The following ZFR variants were observed in gnomAD, a reference collection of about 807,000 sequenced individuals.
The protein encoded by ZFR is zinc finger RNA binding protein.
Under a neutral mutation model 130.7 loss-of-function variants are expected in ZFR, and 19 were observed. The observed-to-expected ratio is 0.15, with a 90% CI of 0.10 to 0.21. The LOEUF is 0.21. Among genes scored for constraint, ZFR ranks in the 10% least tolerant of loss-of-function variants. The pLI is 1.00. For synonymous variants in ZFR, 466 were observed against 456.9 expected (o/e 1.02, Z -0.25); for missense variants, 872 against 1,321.5 (o/e 0.66, Z 5.27).
At chr5:32,428,000 A>G (rs1754114529) in intron 2 of ZFR, among the ~76,000 whole-genome samples, 1 of 152,252 alleles carries the variant, frequency 6.6e-6, no homozygotes, top group South Asian at 2.1e-4. Context: ...AACAGCTAAA[A>G]CTATACAACT....
Position 32,403,954 on chromosome 5 carries a change from T to C in ZFR, c.1176A>G (p.Thr392=), listed in dbSNP as rs551383686. 2 of 1,608,750 alleles carry C rather than the reference T, an allele frequency of 1.2e-6. No homozygotes were observed. Among genetic ancestry groups the C allele is most frequent in the Admixed American group, 1.7e-5 (1 of 59,150 alleles). The stretch of plus-strand genomic sequence containing the variant: ...TGTGGGCAGCATACGCATCTGCTCC[T>C]GTACAAGACACATCGCAGAGCTCAC... The part of the protein sequence containing the change: ...LRCELCDVSC[T]GADAYAAHIR... Residue 392 remains threonine, a synonymous_variant, in exon 7 of 20, where the codon ACA becomes ACG. Transcript: ENST00000265069.
chr5:32,368,610 A>G (rs769053523), intron 17 of ZFR, among the ~76,000 whole-genome samples: 8 of 152,216 alleles, frequency 5.3e-5, no homozygotes, highest in African/African-American at 1.4e-4. Flanking sequence ...CTATTACTAC[A>G]TAAGAAAAGC....
intron 5 of ZFR, among the ~76,000 whole-genome samples, chr5:32,410,304 A>C (rs1432244825): frequency 9.5e-6 from 1 of 105,776 alleles, no homozygotes; most frequent in Non-Finnish European, 2.0e-5. Context: ...AAAAAAAAAA[A>C]AAAAATGTAC....
intron 17 of ZFR, among the ~76,000 whole-genome samples, chr5:32,377,205 T>C (rs1752839708): frequency 7.1e-6 from 1 of 141,054 alleles, no homozygotes; most frequent in Non-Finnish European, 1.6e-5. Context: ...TCTCTTTCTT[T>C]ATTTCTCTTT....
rs1753790069 is a variant in ZFR at position 32,415,138 on chromosome 5, C to T, written c.615G>A (p.Gln205=). The change falls in exon 5 of 20, where the codon CAG becomes CAA. Residue 205 remains glutamine (Q), a synonymous_variant. Transcript: ENST00000265069. ...SQGATQYTQA[Q]QTRQVTAIKP... The stretch of plus-strand genomic sequence containing the variant: ...TTATGGCTGTCACTTGTCGAGTTTG[C>T]TGGGCTTGAGTATACTGAGTTGCAC... 1.2e-6 allele frequency: 2 copies of T among 1,613,856 alleles called. No individual in the cohort carries two copies. Among genetic ancestry groups the T allele is most frequent in the African/African-American group, 1.3e-5 (1 of 74,880 alleles).
intron 5 of ZFR, among the ~76,000 whole-genome samples, chr5:32,409,777 T>C (rs1020468062): frequency 6.6e-6 from 1 of 152,168 alleles, no homozygotes; most frequent in African/African-American, 2.4e-5. Flanking sequence ...GTGACTATAT[T>C]ATAATCTGTT....
intron 5 of ZFR, among the ~76,000 whole-genome samples, chr5:32,411,840 G>A (rs1321215992): frequency 3.9e-5 from 6 of 151,972 alleles, no homozygotes; most frequent in African/African-American, 9.7e-5. Context: ...GAGGATGTAC[G>A]TAGGTTAAAG....
At chr5:32,435,495 A>G (rs919874919) in intron 2 of ZFR, among the ~76,000 whole-genome samples, 13 of 152,334 alleles carry the variant, frequency 8.5e-5, no homozygotes, top group Admixed American at 5.2e-4. Context: ...TTATGATTAA[A>G]TTTACATTTC....
intron 19 of ZFR, among the ~76,000 whole-genome samples, chr5:32,361,427 G>T (rs1412489498): frequency 6.6e-6 from 1 of 152,066 alleles, no homozygotes; most frequent in Non-Finnish European, 1.5e-5. Context: ...TCCCAGGTGA[G>T]AACTAGGAAG....
At chr5:32,356,491 C>A (rs188363600) in intron 19 of ZFR, among the ~76,000 whole-genome samples, 26 of 152,250 alleles carry the variant, frequency 1.7e-4, no homozygotes, top group African/African-American at 6.3e-4. Context: ...TGGCTCACTG[C>A]AAGCTCCGCC....
In ZFR at chr5:32,403,898, A is replaced by C; in HGVS notation, c.1224+8T>G. 6.4e-7 allele frequency: 1 copy of C among 1,560,198 alleles called. No individual in the cohort carries two copies. Among genetic ancestry groups the C allele is most frequent in the South Asian group, 1.2e-5 (1 of 82,588 alleles). On this transcript the variant is annotated splice_region_variant and intron_variant, in intron 7 of 19. Coordinates refer to ENST00000265069, the MANE Select transcript of ZFR (RefSeq NM_016107.5). ...AGGCATAAGGGTGTGTGGGAAAAAA[A>C]CACCTACTTTCTGATGCTTAGCACC... is the stretch of plus-strand genomic sequence containing the variant.
At chr5:32,443,213 G>A (rs560412393) in intron 2 of ZFR, among the ~76,000 whole-genome samples, 2 of 152,308 alleles carry the variant, frequency 1.3e-5, no homozygotes, top group South Asian at 2.1e-4. Flanking sequence ...CGCAGGAGCC[G>A]TGTGCGCTTA....
At chr5:32,411,709 A>AAGGGGGGGG (rs1561903945) in intron 5 of ZFR, among the ~76,000 whole-genome samples, 1 of 73,116 alleles carries the variant, frequency 1.4e-5, no homozygotes, top group Non-Finnish European at 2.3e-5. Flanking sequence ...AAAAAAATTG[A>AAGGGGGGGG]GGGGGGGCGG....
intron 17 of ZFR, among the ~76,000 whole-genome samples, chr5:32,370,515 G>A (rs1752647894): frequency 6.6e-6 from 1 of 151,896 alleles, no homozygotes; most frequent in African/African-American, 2.4e-5. Flanking sequence ...TGGGACTACA[G>A]GTGTGCGCCA....
At chr5:32,405,299 G>A (rs1163327699) in intron 6 of ZFR, among the ~76,000 whole-genome samples, 4 of 152,176 alleles carry the variant, frequency 2.6e-5, no homozygotes, top group Non-Finnish European at 4.4e-5. Flanking sequence ...GGCAGAGCCA[G>A]GACTGCAATC....
At chr5:32,379,455 T>G (rs1015246768) in intron 16 of ZFR, 1 of 454,408 alleles carries the variant, frequency 2.2e-6, no homozygotes, top group Non-Finnish European at 4.0e-6. Context: ...TGATCCCCTG[T>G]GAACCTTGAC....
At chr5:32,415,515 TGCGCGCGCGCGC>T (rs70961629) in intron 4 of ZFR, among the ~76,000 whole-genome samples, 2 of 97,936 alleles carry the variant, frequency 2.0e-5, no homozygotes, top group African/African-American at 1.0e-4. Flanking sequence ...TGTGTGTGTG[TGCGCGCGCGCGC>T]GCGCGCACTA....
chr5:32,392,522 A>G (rs1487000054), intron 11 of ZFR, among the ~76,000 whole-genome samples: 1 of 152,214 alleles, frequency 6.6e-6, no homozygotes, highest in East Asian at 1.9e-4. Flanking sequence ...AAAACAAGCA[A>G]TTTACCACAA....
intron 5 of ZFR, among the ~76,000 whole-genome samples, chr5:32,408,168 T>C (rs1331331392): frequency 6.6e-6 from 1 of 152,138 alleles, no homozygotes; most frequent in Non-Finnish European, 1.5e-5. Context: ...ATTTTTATGG[T>C]TAAATTTGAT....
Sources: allele counts gnomAD v4.1 joint callset (sites outside exome capture counted in the v4.1 genomes callset), GRCh38; gene constraint gnomAD v4.1.1; transcripts MANE v1.5; gene names NCBI Gene and HGNC (gene_info 2026-07-23, HGNC 2026-07-21).